Variants in NEDD4 observed in about 807,000 individuals in gnomAD.
The protein encoded by NEDD4 is NEDD4 E3 ubiquitin protein ligase.
NEDD4 carries 99 observed loss-of-function variants against 144.9 expected under a neutral mutation model. The ratio of observed to expected loss-of-function variants is 0.68; its 90% confidence interval spans 0.58 to 0.81. The LOEUF is 0.81. Ranked by LOEUF, NEDD4 falls within the 30% of genes least tolerant of loss-of-function variation. NEDD4 has a pLI of 0.00. For missense variants in NEDD4, 985 were observed against 1,065.9 expected, an observed-to-expected ratio of 0.92 and a Z score of 1.06; for synonymous variants, 318 against 350.6, an observed-to-expected ratio of 0.91 and a Z score of 1.04.
intron 11 of NEDD4, among the ~76,000 whole-genome samples, chr15:55,859,187 G>A (rs1335845819): frequency 6.6e-6 from 1 of 152,166 alleles, no homozygotes; most frequent in Non-Finnish European, 1.5e-5. Flanking sequence ...AATAATCTTT[G>A]TCTTCTACTC....
chr15:55,966,085 T>C (rs2037507625), intron 2 of NEDD4, among the ~76,000 whole-genome samples: 1 of 152,134 alleles, frequency 6.6e-6, no homozygotes. Flanking sequence ...TCAGTACAAT[T>C]CCCTTCTTCC....
intron 18 of NEDD4, among the ~76,000 whole-genome samples, chr15:55,844,338 C>T (rs535705215): frequency 3.3e-5 from 5 of 151,984 alleles, no homozygotes; most frequent in East Asian, 1.9e-4. Context: ...CAGAAGCTGA[C>T]GGGACAGGGT....
chr15:55,933,223 A>G (rs1221821031), intron 4 of NEDD4, among the ~76,000 whole-genome samples: 1 of 152,072 alleles, frequency 6.6e-6, no homozygotes, highest in Non-Finnish European at 1.5e-5. Flanking sequence ...ATAAAGACAC[A>G]TGCACACGTA....
chr15:55,907,078 G>C (rs1273293261), intron 5 of NEDD4, among the ~76,000 whole-genome samples: 3 of 151,764 alleles, frequency 2.0e-5, no homozygotes, highest in Non-Finnish European at 4.4e-5. Flanking sequence ...CTGGGCGACA[G>C]AGCCAGACTG....
chr15:55,964,650 G>GGT (rs60902586), intron 2 of NEDD4, among the ~76,000 whole-genome samples: 5,658 of 144,350 alleles, frequency 0.039, 119 homozygotes, highest in African/African-American at 0.053. Context: ...TTTTGCTGCT[G>GGT]GTGTGTGTGT....
intron 1 of NEDD4, among the ~76,000 whole-genome samples, chr15:55,976,534 C>T (rs1311888116): frequency 6.6e-6 from 1 of 152,098 alleles, no homozygotes; most frequent in Non-Finnish European, 1.5e-5. Context: ...ATCATCTCAC[C>T]CCAGTTAAAA....
chr15:55,984,314 A>C (rs1201414820), intron 1 of NEDD4, among the ~76,000 whole-genome samples: 17 of 152,188 alleles, frequency 1.1e-4, no homozygotes, highest in Non-Finnish European at 2.1e-4. Flanking sequence ...TATGAATATA[A>C]CACTTCTCCC....
intron 4 of NEDD4, among the ~76,000 whole-genome samples, chr15:55,940,855 A>T (rs1267443843): frequency 6.6e-6 from 1 of 152,200 alleles, no homozygotes; most frequent in Non-Finnish European, 1.5e-5. Flanking sequence ...TAAGATCATC[A>T]AAAAGAATGG....
chr15:55,846,925 T>C (rs1412780045), intron 18 of NEDD4, 44 bp downstream of exon 18: 1 of 1,166,706 alleles, frequency 8.6e-7, no homozygotes, highest in South Asian at 1.3e-5. Context: ...ACTTTCCATC[T>C]ATATATTGAT....
At chr15:55,844,651 C>T (rs567634952) in intron 18 of NEDD4, among the ~76,000 whole-genome samples, 4 of 152,132 alleles carry the variant, frequency 2.6e-5, no homozygotes, top group Non-Finnish European at 5.9e-5. Context: ...GATAGCTACC[C>T]ACATGGAGTT....
chr15:55,910,828 T>C (rs2036248360), intron 5 of NEDD4, among the ~76,000 whole-genome samples: 1 of 152,140 alleles, frequency 6.6e-6, no homozygotes, highest in Non-Finnish European at 1.5e-5. Context: ...TCATCCAAGT[T>C]AGGAAAACTT....
At chr15:55,842,521 G>A (rs182048793) in intron 18 of NEDD4, among the ~76,000 whole-genome samples, 1 of 152,274 alleles carries the variant, frequency 6.6e-6, no homozygotes, top group Admixed American at 6.5e-5. Flanking sequence ...TAAGTAACTG[G>A]ACCACAGGCG....
intron 1 of NEDD4, among the ~76,000 whole-genome samples, chr15:55,974,885 TCCTTTC>T (rs1476139990): frequency 2.3e-5 from 3 of 127,660 alleles, no homozygotes; most frequent in Non-Finnish European, 4.8e-5. Context: ...CCATTTCTTT[TCCTTTC>T]TTTTTTTTTT....
At chr15:55,935,285 A>C (rs1276170572) in intron 4 of NEDD4, among the ~76,000 whole-genome samples, 1 of 152,194 alleles carries the variant, frequency 6.6e-6, no homozygotes, top group Non-Finnish European at 1.5e-5. Flanking sequence ...AATGTATCAT[A>C]ATTTACTTAC....
intron 4 of NEDD4, among the ~76,000 whole-genome samples, chr15:55,933,449 T>C (rs1459954326): frequency 1.3e-5 from 2 of 148,276 alleles, no homozygotes; most frequent in Non-Finnish European, 3.0e-5. Context: ...AAACACCGCA[T>C]GTTCTCACTC....
chr15:55,894,602 T>C (rs187192542), intron 5 of NEDD4, among the ~76,000 whole-genome samples: 3 of 152,326 alleles, frequency 2.0e-5, no homozygotes, highest in African/African-American at 7.2e-5. Flanking sequence ...GAAACTACTT[T>C]CTAAATCAGT....
intron 4 of NEDD4, among the ~76,000 whole-genome samples, chr15:55,939,174 C>T (rs1470340041): frequency 1.3e-5 from 2 of 152,122 alleles, no homozygotes; most frequent in Non-Finnish European, 2.9e-5. Flanking sequence ...CTGTTGCCCA[C>T]CCAAATCTCA....
chr15:55,830,408 C>G, intron 28 of NEDD4, 106 bp downstream of exon 28: 1 of 993,738 alleles, frequency 1.0e-6, no homozygotes, highest in Non-Finnish European at 1.6e-6. Flanking sequence ...TAATCCATAC[C>G]TGCCACCGAC....
intron 1 of NEDD4, among the ~76,000 whole-genome samples, chr15:55,968,439 T>C (rs1184712397): frequency 6.6e-6 from 1 of 151,640 alleles, no homozygotes; most frequent in East Asian, 1.9e-4. Flanking sequence ...ATGTGCAAAA[T>C]GAAAAAAACA....
Sources: allele counts gnomAD v4.1 joint callset (sites outside exome capture counted in the v4.1 genomes callset), GRCh38; gene constraint gnomAD v4.1.1; transcripts MANE v1.5; gene names NCBI Gene and HGNC (gene_info 2026-07-23, HGNC 2026-07-21).